ICA1L: variants seen among roughly 807,000 people sequenced by gnomAD.
ICA1L encodes the protein islet cell autoantigen 1-like protein.
In ICA1L, 50 loss-of-function variants were observed where a neutral mutation model predicts 61.3. That is an observed-to-expected ratio of 0.82 (90% CI 0.65 to 1.03). ICA1L has a LOEUF of 1.03. Ranked by LOEUF, ICA1L falls within the 50% of genes least tolerant of loss-of-function variation. ICA1L has a pLI of 0.00. For missense variants in ICA1L, 508 were observed against 556.7 expected, an observed-to-expected ratio of 0.91 and a Z score of 0.88; for synonymous variants, 161 against 191.3, an observed-to-expected ratio of 0.84 and a Z score of 1.31.
At chr2:202,854,947 A>G (rs1327902863) in intron 1 of ICA1L, among the ~76,000 whole-genome samples, 2 of 152,272 alleles carry the variant, frequency 1.3e-5, no homozygotes, top group East Asian at 3.9e-4. Flanking sequence ...AATTCCCTGA[A>G]CCCAGGAGGC....
chr2:202,811,852 C>T, intron 8 of ICA1L, 63 bp from the exon 9 acceptor site: 4 of 1,214,314 alleles, frequency 3.3e-6, no homozygotes, highest in Non-Finnish European at 4.8e-6. Context: ...TTCATATTCC[C>T]CAAACAGTTT....
chr2:202,862,405 C>T (rs143612500), intron 1 of ICA1L, among the ~76,000 whole-genome samples: 77 of 150,098 alleles, frequency 5.1e-4, no homozygotes, highest in African/African-American at 1.8e-3. Context: ...AGGGAGTGAG[C>T]AATGATCATG....
At chr2:202,816,042 T>A in intron 6 of ICA1L, 33 bp from the exon 7 acceptor site, 1 of 1,371,986 alleles carries the variant, frequency 7.3e-7, no homozygotes, top group South Asian at 1.3e-5. Flanking sequence ...ACTACAGTTC[T>A]GCTTCCCCTC....
intron 1 of ICA1L, among the ~76,000 whole-genome samples, chr2:202,855,006 G>A (rs936479488): frequency 3.9e-5 from 6 of 152,024 alleles, no homozygotes; most frequent in East Asian, 1.9e-4. Context: ...ACTCAAAACC[G>A]TACAGCTACA....
chr2:202,792,178 A>G (rs1692775097), intron 10 of ICA1L, among the ~76,000 whole-genome samples: 1 of 152,190 alleles, frequency 6.6e-6, no homozygotes, highest in Admixed American at 6.5e-5. Flanking sequence ...AAAAAATAAA[A>G]TAAAATATAG....
Position 202,775,923 on chromosome 2 carries a change from G to A in ICA1L, c.*3610C>T, listed in dbSNP as rs1574314683. 1.3e-5 allele frequency: 2 copies of A among 152,278 alleles called. No individual in the cohort carries two copies. The highest frequency in any genetic ancestry group is 1.3e-4 in the Admixed American group (2 of 15,294). 9.4% of individuals were successfully genotyped at this position (152,278 alleles called of 1,614,324 possible). A position where few individuals can be genotyped will look rare whatever the true frequency, so the allele number is the denominator to read the frequency against. On this transcript the variant is annotated 3_prime_UTR_variant, in exon 13 of 13. Coordinates refer to ENST00000358299, the MANE Select transcript of ICA1L (RefSeq NM_001288622.3). ...ATCTTGAGGTAAAACCCAAGTTTTT[G>A]AATAGGAAAACAATAATTGTACTAA...
At chr2:202,850,672 C>T (rs1225426310) in intron 1 of ICA1L, among the ~76,000 whole-genome samples, 2 of 152,130 alleles carry the variant, frequency 1.3e-5, no homozygotes, top group Admixed American at 6.5e-5. Flanking sequence ...ACTGGTTTAC[C>T]TGAAAGTGAC....
intron 12 of ICA1L, among the ~76,000 whole-genome samples, chr2:202,781,228 T>A (rs1218724611): frequency 1.3e-5 from 2 of 151,990 alleles, no homozygotes; most frequent in African/African-American, 2.4e-5. Flanking sequence ...AAGCCCAAAT[T>A]AAACATAATG....
At chr2:202,827,165 G>A (rs1019884858) in intron 2 of ICA1L, among the ~76,000 whole-genome samples, 2 of 152,132 alleles carry the variant, frequency 1.3e-5, no homozygotes, top group East Asian at 1.9e-4. Context: ...AGGCTGAGGC[G>A]GGTGGATCGC....
chr2:202,851,191 GTA>G (rs1694609366), intron 1 of ICA1L, among the ~76,000 whole-genome samples: 1 of 150,088 alleles, frequency 6.7e-6, no homozygotes, highest in Admixed American at 6.7e-5. Context: ...GCCCCAGTGT[GTA>G]ATGTTCCCCT....
intron 10 of ICA1L, 130 bp from the exon 11 acceptor site, chr2:202,789,217 T>C: frequency 1.3e-6 from 1 of 748,556 alleles, no homozygotes; most frequent in Non-Finnish European, 2.1e-6. Flanking sequence ...ACAACTAAAG[T>C]GACTGGAAGT....
intron 9 of ICA1L, among the ~76,000 whole-genome samples, chr2:202,804,768 TAAAGAA>T (rs1693179220): frequency 1.3e-5 from 2 of 152,184 alleles, no homozygotes; most frequent in African/African-American, 4.8e-5. Flanking sequence ...TGTTATTCCC[TAAAGAA>T]AAAGTTCCAA....
intron 1 of ICA1L, chr2:202,871,147 A>T (rs1446571769): frequency 1.3e-5 from 2 of 152,280 alleles, no homozygotes; most frequent in Non-Finnish European, 2.9e-5. Flanking sequence ...TAATAGCGAA[A>T]TAAAAATAAG....
chr2:202,820,954 A>G (rs1693684956), intron 4 of ICA1L, among the ~76,000 whole-genome samples: 2 of 152,218 alleles, frequency 1.3e-5, no homozygotes, highest in African/African-American at 4.8e-5. Context: ...AGAAGAAAAA[A>G]TTTCTTCTAC....
intron 1 of ICA1L, among the ~76,000 whole-genome samples, chr2:202,857,796 C>CA (rs1403311945): frequency 6.6e-6 from 1 of 152,050 alleles, no homozygotes; most frequent in Non-Finnish European, 1.5e-5. Context: ...ACAACCCCAT[C>CA]AAAAAGTGGG....
chr2:202,776,493 ATTCTCTG>A lies in ICA1L; in HGVS notation c.*3033_*3039del, dbSNP rs1692227236. ...AGATTGAGACAAAAAGCAACCAGTC[ATTCTCTG>A]TTCTGTGCTTATCCCGTCCTTTCCC... On this transcript the variant is annotated 3_prime_UTR_variant, in exon 13 of 13. Transcript: ENST00000358299. 1 of 152,232 alleles carries A rather than the reference ATTCTCTG, an allele frequency of 6.6e-6. No individual in the cohort carries two copies. The highest frequency in any genetic ancestry group is 2.4e-5 in the African/African-American group (1 of 41,458). The allele number at this position is 152,232 out of a possible 1,614,324, so 9.4% of individuals were successfully genotyped here.
intron 1 of ICA1L, among the ~76,000 whole-genome samples, chr2:202,844,827 A>G (rs1193984737): frequency 6.6e-6 from 1 of 152,244 alleles, no homozygotes. Flanking sequence ...AACTTACAAC[A>G]AAATTAATTT....
intron 1 of ICA1L, among the ~76,000 whole-genome samples, chr2:202,842,658 T>C (rs183247400): frequency 2.7e-4 from 41 of 152,346 alleles, no homozygotes; most frequent in African/African-American, 9.4e-4. Context: ...TTGGAGACCT[T>C]TGACCTTCTC....
At chr2:202,839,207 G>T (rs1694241991) in intron 1 of ICA1L, among the ~76,000 whole-genome samples, 1 of 152,038 alleles carries the variant, frequency 6.6e-6, no homozygotes. Context: ...CCTTAAAGGT[G>T]AAGTGAGTCT....
Sources: allele counts gnomAD v4.1 joint callset (sites outside exome capture counted in the v4.1 genomes callset), GRCh38; gene constraint gnomAD v4.1.1; transcripts MANE v1.5; gene names NCBI Gene and HGNC (gene_info 2026-07-23, HGNC 2026-07-21).